Variants in RANBP2 observed in about 807,000 individuals in gnomAD.
RANBP2 encodes the protein RAN binding protein 2, also known as E3 SUMO-protein ligase RanBP2.
Under a neutral mutation model 303.6 loss-of-function variants are expected in RANBP2, and 57 were observed. The observed-to-expected ratio is 0.19, with a 90% CI of 0.15 to 0.23. The LOEUF (loss-of-function observed/expected upper bound fraction) is 0.23. Ranked by LOEUF, RANBP2 falls within the 10% of genes least tolerant of loss-of-function variation. The pLI is 1.00. For missense variants in RANBP2, 3,138 were observed against 3,780.8 expected (o/e 0.83, Z 4.46); for synonymous variants, 1,167 against 1,301.5 (o/e 0.90, Z 2.23).
chr2:109,105,937 T>C, the RANBP2 span, among the ~76,000 whole-genome samples: 17 of 148,910 alleles, frequency 1.1e-4, no homozygotes, highest in African/African-American at 7.5e-5. Context: ...CACTGCAGCC[T>C]CTGCCTCCCA....
the RANBP2 span, among the ~76,000 whole-genome samples, chr2:109,698,554 A>T: frequency 6.6e-6 from 1 of 152,146 alleles, no homozygotes; most frequent in South Asian, 2.1e-4. Context: ...GAATATATTT[A>T]TAATATTTAG....
the RANBP2 span, among the ~76,000 whole-genome samples, chr2:109,055,296 A>G: frequency 6.6e-6 from 1 of 151,594 alleles, no homozygotes; most frequent in South Asian, 2.1e-4. Flanking sequence ...AGCTATATGT[A>G]TCGTTAATAG....
chr2:109,140,076 G>A, the RANBP2 span, among the ~76,000 whole-genome samples: 17 of 152,346 alleles, frequency 1.1e-4, no homozygotes, highest in African/African-American at 3.8e-4. Flanking sequence ...GGACAGGTCT[G>A]CGGAAGGCTT....
At chr2:108,811,247 C>CTTTTTTT in the RANBP2 span, among the ~76,000 whole-genome samples, 6 of 113,896 alleles carry the variant, frequency 5.3e-5, no homozygotes, top group African/African-American at 1.9e-4. Context: ...TTCTCTCTCT[C>CTTTTTTT]TTTTTTTTTT....
chr2:109,035,904 G>A, the RANBP2 span, among the ~76,000 whole-genome samples: 1 of 152,190 alleles, frequency 6.6e-6, no homozygotes, highest in Non-Finnish European at 1.5e-5. Context: ...AGAGAGAAAT[G>A]AAGCATTATT....
the RANBP2 span, among the ~76,000 whole-genome samples, chr2:109,168,286 A>G: frequency 1.3e-5 from 2 of 152,190 alleles, no homozygotes; most frequent in African/African-American, 4.8e-5. Flanking sequence ...GGGAAATGAC[A>G]TTCCTGTTCT....
chr2:109,482,174 C>G, the RANBP2 span, among the ~76,000 whole-genome samples: 1 of 152,110 alleles, frequency 6.6e-6, no homozygotes, highest in Admixed American at 6.6e-5. Flanking sequence ...ATCTCAGAGC[C>G]TGTTTTTTCT....
At chr2:109,108,962 T>A in the RANBP2 span, among the ~76,000 whole-genome samples, 2 of 152,230 alleles carry the variant, frequency 1.3e-5, no homozygotes, top group African/African-American at 4.8e-5. Flanking sequence ...GATTGGACAA[T>A]TCAGGCTGCT....
chr2:109,029,598 C>T, the RANBP2 span, among the ~76,000 whole-genome samples: 2 of 152,330 alleles, frequency 1.3e-5, no homozygotes, highest in African/African-American at 4.8e-5. Flanking sequence ...GCAAACTTTA[C>T]AGCATCAGGC....
the RANBP2 span, among the ~76,000 whole-genome samples, chr2:109,404,334 G>A: frequency 6.6e-6 from 1 of 152,244 alleles, no homozygotes; most frequent in Non-Finnish European, 1.5e-5. Flanking sequence ...TGGGAGCTGT[G>A]TAAGGTGAGC....
At chr2:108,923,321 T>G in the RANBP2 span, 1 of 1,572,078 alleles carries the variant, frequency 6.4e-7, no homozygotes, top group Non-Finnish European at 8.8e-7. Flanking sequence ...GTGAAAGGGA[T>G]CCGTGCTGAA....
the RANBP2 span, among the ~76,000 whole-genome samples, chr2:109,155,786 T>G: frequency 8.9e-4 from 136 of 152,296 alleles, no homozygotes; most frequent in African/African-American, 3.1e-3. Flanking sequence ...CACGTGCTGG[T>G]GTGTGTGAAT....
the RANBP2 span, among the ~76,000 whole-genome samples, chr2:109,495,455 T>C: frequency 6.7e-6 from 1 of 150,292 alleles, no homozygotes; most frequent in East Asian, 1.9e-4. Context: ...ACCGGCCATT[T>C]CATCCTGAAT....
rs560934666 is a variant in RANBP2, at chr2:108,727,499, A to G, written c.73-1633A>G. On this transcript the variant is annotated intron_variant, in intron 1 of 28. Coordinates refer to ENST00000283195, the MANE Select transcript of RANBP2 (RefSeq NM_006267.5). ...ACGGCAACCTGGTTTGATACTATTC[A>G]TCGTTTTGGACATTCACTGGGGTCT... is the stretch of plus-strand genomic sequence containing the variant. 1.7e-3 allele frequency among the ~76,000 whole-genome samples: 262 copies of G among 152,010 alleles called. 2 individuals are homozygous for G. The highest frequency in any genetic ancestry group is 6.0e-3 in the African/African-American group (248 of 41,432).
chr2:109,464,448 T>C, the RANBP2 span, among the ~76,000 whole-genome samples: 1 of 151,992 alleles, frequency 6.6e-6, no homozygotes, highest in Non-Finnish European at 1.5e-5. Flanking sequence ...CGCGTACATA[T>C]AAAATACATG....
chr2:108,896,956 T>G, the RANBP2 span: 1 of 1,613,570 alleles, frequency 6.2e-7, no homozygotes, highest in Non-Finnish European at 8.5e-7. Flanking sequence ...CCCCGCCCAC[T>G]CCAGTATGTC....
the RANBP2 span, among the ~76,000 whole-genome samples, chr2:109,534,095 G>T: frequency 6.6e-6 from 1 of 152,166 alleles, no homozygotes; most frequent in Non-Finnish European, 1.5e-5. Flanking sequence ...TGTCCAAAAG[G>T]CATTCCCCTC....
chr2:109,095,944 G>C, the RANBP2 span, among the ~76,000 whole-genome samples: 5 of 152,192 alleles, frequency 3.3e-5, no homozygotes, highest in East Asian at 1.9e-4. Flanking sequence ...CGGGAGGTGA[G>C]AGAAGAGACA....
chr2:109,048,690 C>A, the RANBP2 span, among the ~76,000 whole-genome samples: 1 of 152,076 alleles, frequency 6.6e-6, no homozygotes, highest in African/African-American at 2.4e-5. Context: ...GGCTGCTGTT[C>A]TATATTCCAC....
Sources: allele counts gnomAD v4.1 joint callset (sites outside exome capture counted in the v4.1 genomes callset), GRCh38; gene constraint gnomAD v4.1.1; transcripts MANE v1.5; gene names NCBI Gene and HGNC (gene_info 2026-07-23, HGNC 2026-07-21).